Variants in GNB1L observed in about 807,000 individuals in gnomAD.
GNB1L encodes the protein guanine nucleotide-binding protein subunit beta-like protein 1.
A neutral mutation model predicts 29.1 loss-of-function variants in GNB1L; 20 were observed. The observed-to-expected ratio is 0.69, with a 90% CI of 0.48 to 1.00. GNB1L has a LOEUF of 1.00. GNB1L is among the 50% of genes least tolerant of loss of function. GNB1L has a pLI of 0.00. For synonymous variants in GNB1L, 193 were observed against 206.5 expected, an observed-to-expected ratio of 0.93 and a Z score of 0.56; for missense variants, 421 against 464.9, an observed-to-expected ratio of 0.91 and a Z score of 0.87.
chr22:19,847,804 C>CAAAAAAAAAAAAAAAAATAAAAAAAA (rs1937997896), intron 2 of GNB1L: 1 of 533,108 alleles, frequency 1.9e-6, no homozygotes, highest in African/African-American at 2.9e-5. Context: ...GAATCATAGG[C>CAAAAAAAAAAAAAAAAATAAAAAAAA]AAAAAAAAAA....
chr22:19,801,573 G>A lies in GNB1L; in HGVS notation c.732+428C>T, dbSNP rs115147987. 3.2e-3 allele frequency among the ~76,000 whole-genome samples: 494 copies of A among 152,012 alleles called. 1 individual carries two copies. Among genetic ancestry groups the A allele is most frequent in the African/African-American group, 0.011 (452 of 41,434 alleles). On this transcript the variant is annotated intron_variant, in intron 7 of 7. Coordinates refer to ENST00000329517, the MANE Select transcript of GNB1L (RefSeq NM_053004.3). The stretch of plus-strand genomic sequence containing the variant: ...CCCAGCCTTCCTGCTGGGCTTTCCT[G>A]CTGCCCGTGAGCAATGGCCTCCCTC...
Position 19,816,522 on chromosome 22 carries a change from G to A in GNB1L, c.255-4075C>T, listed in dbSNP as rs1353497899. 6.6e-6 allele frequency among the ~76,000 whole-genome samples: 1 copy of A among 152,080 alleles called. No individual in the cohort carries two copies. Among genetic ancestry groups the A allele is most frequent in the African/African-American group, 2.4e-5 (1 of 41,396 alleles). On this transcript the variant is annotated intron_variant, in intron 4 of 7. Transcript: ENST00000329517. This position sits in a 1 kb window ranked among gnomAD's most constrained non-coding sequence, Gnocchi z 4.4. The stretch of plus-strand genomic sequence containing the variant: ...GAAGCCAGGACCTGGGTGTCCACCT[G>A]CTCACTGCCAGAGTGTGCCCCAGCC...
chr22:19,832,855 C>T (rs1203509762), intron 2 of GNB1L, among the ~76,000 whole-genome samples: 3 of 152,174 alleles, frequency 2.0e-5, no homozygotes, highest in Admixed American at 1.3e-4. Context: ...ACAGGGCAGA[C>T]CCAAAGCAGC....
intron 2 of GNB1L, among the ~76,000 whole-genome samples, chr22:19,826,484 CAG>C (rs1194275913): frequency 1.3e-5 from 2 of 152,168 alleles, no homozygotes; most frequent in Admixed American, 6.5e-5. Context: ...ACCCACAGAG[CAG>C]AGCACTCGGG....
In GNB1L at chr22:19,839,671, G is replaced by A. The variant is rs182994302; in HGVS notation, c.-21+14772C>T. Among the ~76,000 whole-genome samples the A allele has an allele frequency of 2.9e-4, 44 of 152,194 alleles. No homozygotes were observed. In the East Asian group the frequency reaches 8.3e-3, roughly 29 times the overall value. ...AGGCAAGCGGATCACCTGAGGTCAGGAGTTCAAGACCAGCCTGGCTAACAT... is the reference window on the plus strand; with the variant it reads ...AGGCAAGCGGATCACCTGAGGTCAGAAGTTCAAGACCAGCCTGGCTAACAT... On this transcript the variant is annotated intron_variant, in intron 2 of 7. Coordinates refer to ENST00000329517, the MANE Select transcript of GNB1L (RefSeq NM_053004.3).
intron 2 of GNB1L, chr22:19,849,815 T>C (rs1938052448): frequency 2.0e-6 from 2 of 985,486 alleles, no homozygotes; most frequent in Non-Finnish European, 1.2e-6. Context: ...TGAAAGGGAC[T>C]TGAACTTCTT....
intron 4 of GNB1L, among the ~76,000 whole-genome samples, chr22:19,817,852 T>G (rs999859170): frequency 1.3e-5 from 2 of 152,186 alleles, no homozygotes; most frequent in African/African-American, 4.8e-5. Context: ...ACACTTGTCT[T>G]GCACTCTTCT....
intron 2 of GNB1L, chr22:19,847,825 AT>A: frequency 1.1e-6 from 1 of 883,980 alleles, no homozygotes; most frequent in East Asian, 1.2e-4. Flanking sequence ...AAAAAAAAAA[AT>A]TCACCCATAT....
chr22:19,846,888 T>C, intron 2 of GNB1L: 1 of 973,938 alleles, frequency 1.0e-6, no homozygotes, highest in Non-Finnish European at 1.2e-6. Flanking sequence ...TAGCCTGCGG[T>C]CCTTTGTCAG....
At chr22:19,793,240 G>A (rs1275940626) in intron 7 of GNB1L, 10 of 575,076 alleles carry the variant, frequency 1.7e-5, no homozygotes, top group Middle Eastern at 4.6e-4. Context: ...GCAGAGAAAT[G>A]GAAATTATAA....
intron 7 of GNB1L, among the ~76,000 whole-genome samples, chr22:19,794,697 A>G (rs1035801008): frequency 6.6e-6 from 1 of 152,236 alleles, no homozygotes; most frequent in African/African-American, 2.4e-5. Flanking sequence ...GTCAGAAAGC[A>G]TCACAAAGCA....
chr22:19,789,947 C>T lies in GNB1L; in HGVS notation c.733-987G>A, dbSNP rs111629248. Among the ~76,000 whole-genome samples, 491 of 152,236 alleles carry T rather than the reference C, an allele frequency of 3.2e-3. 6 individuals are homozygous for T. The highest frequency in any genetic ancestry group is 0.011 in the African/African-American group (471 of 41,536). On this transcript the variant is annotated intron_variant, in intron 7 of 7. Coordinates refer to ENST00000329517, the MANE Select transcript of GNB1L (RefSeq NM_053004.3). Reference sequence around the variant, plus strand: ...ATGTTGATGAGGGTGCTGTTTAGGCCGTCCTCAGAATGCTCCACAGCCACA... The same window carrying T: ...ATGTTGATGAGGGTGCTGTTTAGGCTGTCCTCAGAATGCTCCACAGCCACA...
At chr22:19,846,813 C>A in intron 2 of GNB1L, 1 of 690,418 alleles carries the variant, frequency 1.4e-6, no homozygotes, top group Non-Finnish European at 1.8e-6. Flanking sequence ...ACCAACCCTG[C>A]CCACACCTTG....
chr22:19,818,783 C>A (rs1040825794), intron 4 of GNB1L, among the ~76,000 whole-genome samples: 2 of 152,196 alleles, frequency 1.3e-5, no homozygotes, highest in African/African-American at 4.8e-5. Flanking sequence ...CAGCAGCAGG[C>A]CCGTGCTCAG....
intron 2 of GNB1L, among the ~76,000 whole-genome samples, chr22:19,838,819 T>C (rs1937809355): frequency 6.6e-6 from 1 of 152,236 alleles, no homozygotes; most frequent in African/African-American, 2.4e-5. Context: ...CTCCTAGATA[T>C]GTATTCTAGA....
chr22:19,831,013 T>TA (rs1024047089), intron 2 of GNB1L, among the ~76,000 whole-genome samples: 1 of 152,106 alleles, frequency 6.6e-6, no homozygotes, highest in Admixed American at 6.6e-5. Flanking sequence ...GATCCATATG[T>TA]AAAAAATAAA....
Position 19,785,998 on chromosome 22 carries a change from C to G in GNB1L, c.*2711G>C, listed in dbSNP as rs1425326431. 1 of 152,420 alleles carries G rather than the reference C, an allele frequency of 6.6e-6. No individual in the cohort carries two copies. The highest frequency in any genetic ancestry group is 2.4e-5 in the African/African-American group (1 of 41,468). 9.4% of individuals were successfully genotyped at this position (152,420 alleles called of 1,614,324 possible). On this transcript the variant is annotated 3_prime_UTR_variant, in exon 8 of 8. Coordinates refer to ENST00000329517, the MANE Select transcript of GNB1L (RefSeq NM_053004.3). This position sits in a 1 kb window ranked among gnomAD's most constrained non-coding sequence, Gnocchi z 4.1. ...GAGGAACAGGACCAGGAGGGCTGCACTGCTCTTGGCCGGCTTGGACCCCAG... is the reference window on the plus strand; with the variant it reads ...GAGGAACAGGACCAGGAGGGCTGCAGTGCTCTTGGCCGGCTTGGACCCCAG...
At chr22:19,812,009 G>A (rs1329675425) in intron 5 of GNB1L, among the ~76,000 whole-genome samples, 1 of 152,180 alleles carries the variant, frequency 6.6e-6, no homozygotes, top group Non-Finnish European at 1.5e-5. Context: ...TCCATGTGCA[G>A]AACTATGCTG....
chr22:19,824,354 C>A (rs1280143725), intron 2 of GNB1L, among the ~76,000 whole-genome samples: 2 of 152,244 alleles, frequency 1.3e-5, no homozygotes, highest in Non-Finnish European at 2.9e-5. Flanking sequence ...TTGCGCAAGG[C>A]CCGTGTGCGC....
Sources: gnomAD v4.1 joint callset for allele counts (sites outside exome capture counted in the v4.1 genomes callset) on GRCh38, gnomAD v4.1.1 for gene constraint, Gnocchi (gnomAD v3.1) non-coding constraint, MANE v1.5 for transcripts, NCBI Gene and HGNC (gene_info 2026-07-23, HGNC 2026-07-21) for gene names.